ZNF804A: variants seen among roughly 807,000 people sequenced by gnomAD.
The protein encoded by ZNF804A is zinc finger protein 804A.
Under a neutral mutation model 16.5 loss-of-function variants are expected in ZNF804A, and 2 were observed. That is an observed-to-expected ratio of 0.12 (90% CI 0.05 to 0.38). The LOEUF is 0.38. ZNF804A is among the 10% of genes least tolerant of loss of function. The probability of loss-of-function intolerance (pLI) is 0.99; values close to 1 mark genes in which losing one functional copy is unlikely to be tolerated. For missense variants in ZNF804A, 1,473 were observed against 1,390.7 expected, an observed-to-expected ratio of 1.06 and a Z score of -0.94; for synonymous variants, 534 against 489.6, an observed-to-expected ratio of 1.09 and a Z score of -1.20.
chr2:184,814,773 G>T (rs978289339), intron 1 of ZNF804A, among the ~76,000 whole-genome samples: 51 of 152,000 alleles, frequency 3.4e-4, no homozygotes, highest in African/African-American at 1.2e-3. Flanking sequence ...TTTGACATAT[G>T]TAAATGAGAT....
chr2:184,620,450 T>C (rs1023230198), intron 1 of ZNF804A, among the ~76,000 whole-genome samples: 1 of 151,848 alleles, frequency 6.6e-6, no homozygotes, highest in Non-Finnish European at 1.5e-5. Context: ...TAGATTGGAA[T>C]CTAAGTGATT....
chr2:184,771,743 G>T (rs1694218261), intron 1 of ZNF804A, among the ~76,000 whole-genome samples: 1 of 152,034 alleles, frequency 6.6e-6, no homozygotes. Flanking sequence ...ACTACCTGCA[G>T]CTCCTGGCAT....
At chr2:184,863,743 A>G (rs1695834325) in intron 1 of ZNF804A, among the ~76,000 whole-genome samples, 2 of 152,210 alleles carry the variant, frequency 1.3e-5, no homozygotes, top group South Asian at 4.1e-4. Flanking sequence ...TCTATTGATT[A>G]GAATGTTATC....
intron 1 of ZNF804A, among the ~76,000 whole-genome samples, chr2:184,623,892 A>G (rs1184235822): frequency 6.6e-6 from 1 of 152,196 alleles, no homozygotes; most frequent in Non-Finnish European, 1.5e-5. Context: ...ACATTCCACC[A>G]GGCCTCAAAA....
intron 1 of ZNF804A, among the ~76,000 whole-genome samples, chr2:184,735,612 T>G (rs1222178268): frequency 1.3e-5 from 2 of 152,192 alleles, no homozygotes; most frequent in Admixed American, 1.3e-4. Context: ...ATAAATCTTA[T>G]GACTTACATA....
chr2:184,927,570 C>G (rs1685630603), intron 2 of ZNF804A, among the ~76,000 whole-genome samples: 1 of 152,180 alleles, frequency 6.6e-6, no homozygotes, highest in Non-Finnish European at 1.5e-5. Flanking sequence ...TTTAGGGAAT[C>G]AAGTTCCTTC....
intron 2 of ZNF804A, among the ~76,000 whole-genome samples, chr2:184,918,607 GT>G (rs143060271): frequency 8.5e-5 from 13 of 152,230 alleles, no homozygotes; most frequent in African/African-American, 3.1e-4. Flanking sequence ...CTTTTTTGGG[GT>G]GGATGAGGGT....
chr2:184,725,710 C>T lies in ZNF804A; in HGVS notation c.111+126640C>T, dbSNP rs114132124. 2.0e-3 allele frequency among the ~76,000 whole-genome samples: 304 copies of T among 151,510 alleles called. 1 individual carries two copies. The highest frequency in any genetic ancestry group is 7.0e-3 in the African/African-American group (292 of 41,442). ...TTACCACATAGGTAAATTTGTGTAA[C>T]TACCACTGCAATCAAACACAGTATT... On this transcript the variant is annotated intron_variant, in intron 1 of 3. Transcript: ENST00000302277.
At chr2:184,927,315 T>C (rs139511850) in intron 2 of ZNF804A, among the ~76,000 whole-genome samples, 1 of 152,366 alleles carries the variant, frequency 6.6e-6, no homozygotes, top group Non-Finnish European at 1.5e-5. Flanking sequence ...CAAAGACTCC[T>C]GTTCTTTTCC....
At chr2:184,930,515 C>T (rs1574275493) in intron 2 of ZNF804A, among the ~76,000 whole-genome samples, 1 of 152,082 alleles carries the variant, frequency 6.6e-6, no homozygotes, top group African/African-American at 2.4e-5. Flanking sequence ...CATACAAGGA[C>T]ACTTTCTATA....
intron 2 of ZNF804A, among the ~76,000 whole-genome samples, chr2:184,918,859 A>G (rs1282318998): frequency 6.6e-6 from 1 of 152,204 alleles, no homozygotes; most frequent in Non-Finnish European, 1.5e-5. Context: ...ACCATACCAC[A>G]TTAAACTAAG....
chr2:184,753,208 A>C (rs1330627012), intron 1 of ZNF804A, among the ~76,000 whole-genome samples: 2 of 151,676 alleles, frequency 1.3e-5, no homozygotes. Flanking sequence ...TTCTTATTTC[A>C]AGAAAAATGT....
intron 1 of ZNF804A, among the ~76,000 whole-genome samples, chr2:184,608,814 G>A (rs1292799891): frequency 4.6e-5 from 7 of 152,110 alleles, no homozygotes; most frequent in Admixed American, 3.9e-4. Flanking sequence ...TAGGAATGAG[G>A]TGTCAAGATG....
chr2:184,812,286 A>C (rs1010702279), intron 1 of ZNF804A, among the ~76,000 whole-genome samples: 1 of 152,172 alleles, frequency 6.6e-6, no homozygotes, highest in Non-Finnish European at 1.5e-5. Flanking sequence ...CTGAGTTGGG[A>C]TATTCTGTGA....
At chr2:184,601,745 G>GT (rs1397762691) in intron 1 of ZNF804A, among the ~76,000 whole-genome samples, 1 of 151,250 alleles carries the variant, frequency 6.6e-6, no homozygotes, top group East Asian at 1.9e-4. Context: ...TATCGCAAAT[G>GT]TTTTTTTTCT....
At chr2:184,613,741 C>T in intron 1 of ZNF804A, among the ~76,000 whole-genome samples, 1 of 151,966 alleles carries the variant, frequency 6.6e-6, no homozygotes, top group African/African-American at 2.4e-5. Context: ...TGTGAAGGAC[C>T]TCTTCAAGGA....
At chr2:184,788,884 A>G (rs1694489617) in intron 1 of ZNF804A, among the ~76,000 whole-genome samples, 1 of 152,040 alleles carries the variant, frequency 6.6e-6, no homozygotes, top group South Asian at 2.1e-4. Context: ...AGGAGTGGTG[A>G]GAGCAGACAG....
At chr2:184,731,045 CCAGCCTGGT>C (rs1693505888) in intron 1 of ZNF804A, among the ~76,000 whole-genome samples, 1 of 151,548 alleles carries the variant, frequency 6.6e-6, no homozygotes, top group South Asian at 2.1e-4. Context: ...GAGTTCGAGA[CCAGCCTGGT>C]CAACATGGTG....
At chr2:184,779,513 G>A (rs552183565) in intron 1 of ZNF804A, among the ~76,000 whole-genome samples, 1 of 151,800 alleles carries the variant, frequency 6.6e-6, no homozygotes, top group African/African-American at 2.4e-5. Flanking sequence ...ATAGAATTAA[G>A]TTTGCTGGTT....
Sources: gnomAD v4.1 joint callset for allele counts (sites outside exome capture counted in the v4.1 genomes callset) on GRCh38, gnomAD v4.1.1 for gene constraint, MANE v1.5 for transcripts, NCBI Gene and HGNC (gene_info 2026-07-23, HGNC 2026-07-21) for gene names.